The following FAM161B variants were observed in gnomAD, a reference collection of about 807,000 sequenced individuals.
FAM161B encodes the protein protein FAM161B.
Under a neutral mutation model 61.5 loss-of-function variants are expected in FAM161B, and 46 were observed. The ratio of observed to expected loss-of-function variants is 0.75; its 90% CI spans 0.59 to 0.96. The LOEUF is 0.96. FAM161B is among the 40% of genes least tolerant of loss of function. FAM161B has a pLI of 0.00. For missense variants in FAM161B, 774 were observed against 800.7 expected, an observed-to-expected ratio of 0.97 and a Z score of 0.40; for synonymous variants, 284 against 302.7, an observed-to-expected ratio of 0.94 and a Z score of 0.64.
rs148518466 is a variant in FAM161B, at chr14:73,934,962, G to A, written c.1806-568C>T. Among the ~76,000 whole-genome samples, 620 of 151,914 alleles carry A rather than the reference G, an allele frequency of 4.1e-3. 2 individuals are homozygous for A. Among genetic ancestry groups the A allele is most frequent in the Non-Finnish European group, 5.9e-3 (400 of 67,968 alleles). On this transcript the variant is annotated intron_variant, in intron 8 of 8. Transcript: ENST00000286544. The stretch of plus-strand genomic sequence containing the variant: ...CTCAGGAGGCTGAAGCAGGAGAATC[G>A]CTTGAACCCGGGAAGCGGAGACTGC...
In FAM161B at chr14:73,946,607, T is replaced by C. The variant is rs1163373841; in HGVS notation, c.55-2A>G. The C allele has an allele frequency of 1.2e-6, 2 of 1,610,482 alleles. No individual in the cohort carries two copies. The highest frequency in any genetic ancestry group is 2.2e-5 in the East Asian group (1 of 44,792). ...TGCGAAGGACTCGGGGGGAAATATC[T>C]AAAATAGAATAGAAATAGGCTGTGG... On this transcript the variant is annotated splice_acceptor_variant, in intron 1 of 8. Coordinates refer to ENST00000286544, the MANE Select transcript of FAM161B (RefSeq NM_152445.3). LOFTEE classifies it high-confidence loss of function.
intron 2 of FAM161B, among the ~76,000 whole-genome samples, chr14:73,945,855 C>T (rs2056061771): frequency 6.6e-6 from 1 of 151,914 alleles, no homozygotes; most frequent in Non-Finnish European, 1.5e-5. Flanking sequence ...GATTCTCATG[C>T]GTCAGCCTCC....
chr14:73,934,091 G>A lies in FAM161B; in HGVS notation c.*165C>T, dbSNP rs2055949991. The A allele has an allele frequency of 1.3e-6, 1 of 745,398 alleles. No individual in the cohort carries two copies. The highest frequency in any genetic ancestry group is 3.1e-5 in the East Asian group (1 of 32,104). 46.2% of individuals were successfully genotyped at this position (745,398 alleles called of 1,614,324 possible). A position where few individuals can be genotyped will look rare whatever the true frequency, so the allele number is the denominator to read the frequency against. On this transcript the variant is annotated 3_prime_UTR_variant, in exon 9 of 9. Transcript: ENST00000286544. ...CCTGCCTCAGCCTCCCAAAGTGTTG[G>A]GATTACAGGCGTGAGCCACTGCGCC...
chr14:73,924,089 C>T, the FAM161B span, among the ~76,000 whole-genome samples: 1 of 152,146 alleles, frequency 6.6e-6, no homozygotes, highest in Non-Finnish European at 1.5e-5. Flanking sequence ...ACCAAATGGG[C>T]ATATACAGAT....
chr14:73,927,844 TTTTTAA>T (rs1182773913), downstream of FAM161B: 2 of 153,698 alleles, frequency 1.3e-5, no homozygotes, highest in South Asian at 3.9e-4. Context: ...TTTTTTTTTT[TTTTTAA>T]TTTTTTAGAC....
chr14:73,941,090 T>C (rs772698356), intron 4 of FAM161B, 37 bp from the exon 5 acceptor site: 1 of 1,547,774 alleles, frequency 6.5e-7, no homozygotes, highest in South Asian at 1.2e-5. Flanking sequence ...TGGGACAGCA[T>C]GTGTGATTAG....
rs201059380 is a variant in FAM161B at position 73,937,732 on chromosome 14, T to G, written c.1566-31A>C. ...ATTAGCAAGACTTTTAGAAAGAATT[T>G]CATCTTTTCTAATCCAGAATACCCT... On this transcript the variant is annotated intron_variant, in intron 6 of 8. Transcript: ENST00000286544. The G allele has an allele frequency of 1.8e-3, 2,837 of 1,604,628 alleles. 2 individuals carry two copies. Among genetic ancestry groups the G allele is most frequent in the Non-Finnish European group, 2.3e-3 (2,689 of 1,172,792 alleles).
downstream of FAM161B, among the ~76,000 whole-genome samples, chr14:73,930,762 T>C (rs557091417): frequency 1.3e-5 from 2 of 152,172 alleles, no homozygotes; most frequent in East Asian, 3.9e-4. Context: ...ACCACCATGC[T>C]TAATTTTTAA....
rs1260902036 is a variant in FAM161B, at chr14:73,949,776, A to G, written c.54+197T>C. 1.2e-5 allele frequency: 8 copies of G among 685,288 alleles called. No individual in the cohort carries two copies. The Admixed American group carries it at 2.0e-4, about 18-fold the overall frequency. 42.5% of individuals were successfully genotyped at this position (685,288 alleles called of 1,614,324 possible). ...TAAGAGGATAAGCGAAAACTGAGTG[A>G]CATTGCCTATCAAGAGCCTCGTATA... On this transcript the variant is annotated intron_variant, in intron 1 of 8. Transcript: ENST00000286544.
At position 73,946,602 on chromosome 14, in the gene FAM161B, A is replaced by G. The variant is rs200537390; in HGVS notation, c.58T>C (p.Phe20Leu). The change falls in exon 2 of 9, where the codon TTT (phenylalanine) becomes CTT (leucine). Residue 20 changes from phenylalanine to leucine, a missense_variant. By Grantham distance (22) the Phe-to-Leu change is conservative. Coordinates refer to ENST00000286544, the MANE Select transcript of FAM161B (RefSeq NM_152445.3). ...PGGAEGSRQI[F>L]PPESFADTEA... is the part of the protein sequence containing the mutation. ...GTGTCTGCGAAGGACTCGGGGGGAA[A>G]TATCTAAAATAGAATAGAAATAGGC... 4.5e-5 allele frequency: 72 copies of G among 1,611,158 alleles called. 2 individuals carry two copies. The Middle Eastern group carries it at 5.0e-4, about 11-fold the overall frequency.
At chr14:73,923,276 A>T in the FAM161B span, 1 of 1,156,224 alleles carries the variant, frequency 8.6e-7, no homozygotes, top group Non-Finnish European at 1.2e-6. Context: ...TGGAAGAAAT[A>T]GAGGAATGTG....
At chr14:73,937,882 G>A in intron 6 of FAM161B, 66 bp downstream of exon 6, 1 of 1,594,742 alleles carries the variant, frequency 6.3e-7, no homozygotes, top group Non-Finnish European at 8.5e-7. Flanking sequence ...GCATTTTCTG[G>A]CAATAGGCCA....
chr14:73,935,433 C>G (rs1009126991), intron 8 of FAM161B, among the ~76,000 whole-genome samples: 7 of 151,674 alleles, frequency 4.6e-5, no homozygotes, highest in Non-Finnish European at 1.0e-4. Context: ...GAGGCTGAGG[C>G]AGGAGAATGG....
At position 73,946,486 on chromosome 14, in the gene FAM161B, A is replaced by C. The variant is rs778808740; in HGVS notation, c.174T>G (p.Asp58Glu). 10 of 1,614,044 alleles carry C rather than the reference A, an allele frequency of 6.2e-6. No homozygotes were observed. Among genetic ancestry groups the C allele is most frequent in the South Asian group, 5.5e-5 (5 of 91,094 alleles). The change falls in exon 2 of 9, where the codon GAT (aspartate) becomes GAG (glutamate). Residue 58 changes from aspartate to glutamate, a missense_variant. Asp to Glu is a conservative substitution (Grantham distance 45). Transcript: ENST00000286544. ...DEFLSPEEEI[D>E]STSDSTGSIY... ...TGCTCCCAGTTGAGTCAGAAGTAGA[A>C]TCTATCTCCTCCTCTGGGCTGAGGA... is the stretch of plus-strand genomic sequence containing the variant.
chr14:73,935,227 A>G (rs1422622121), intron 8 of FAM161B, among the ~76,000 whole-genome samples: 1 of 152,002 alleles, frequency 6.6e-6, no homozygotes, highest in Admixed American at 6.6e-5. Context: ...TTGACTCAAT[A>G]TCAAAATGGG....
chr14:73,931,418 T>C, downstream of FAM161B: 1 of 1,226,604 alleles, frequency 8.2e-7, no homozygotes, highest in Non-Finnish European at 1.2e-6. Flanking sequence ...TTCTCCATCC[T>C]CCACTCTTAA....
chr14:73,923,715 G>A, the FAM161B span, among the ~76,000 whole-genome samples: 2 of 152,166 alleles, frequency 1.3e-5, no homozygotes, highest in Non-Finnish European at 2.9e-5. Flanking sequence ...AGATTGGTCT[G>A]TCACAGCTGG....
chr14:73,949,791 A>G (rs2056116422), intron 1 of FAM161B, 182 bp downstream of exon 1: 9 of 765,558 alleles, frequency 1.2e-5, no homozygotes. Context: ...GCCTATCAAG[A>G]GCCTCGTATA....
chr14:73,949,519 A>T (rs1257114538), intron 1 of FAM161B, among the ~76,000 whole-genome samples: 2 of 138,508 alleles, frequency 1.4e-5, no homozygotes, highest in Admixed American at 7.2e-5. Flanking sequence ...CGCCTGGCCA[A>T]TTTTTTTTTT....
Sources: allele counts gnomAD v4.1 joint callset (sites outside exome capture counted in the v4.1 genomes callset), GRCh38; gene constraint gnomAD v4.1.1; transcripts MANE v1.5; gene names NCBI Gene and HGNC (gene_info 2026-07-23, HGNC 2026-07-21).